Variants in FAM167A observed in about 807,000 individuals in gnomAD.
FAM167A encodes protein FAM167A.
FAM167A carries 23 observed loss-of-function variants against 14.9 expected under a neutral mutation model. That is an observed-to-expected ratio of 1.55 (90% CI 1.11 to 2.19). The LOEUF is 2.19. Among genes scored for constraint, FAM167A ranks in the 30% most tolerant of loss-of-function variants. The pLI is 0.00. For synonymous variants in FAM167A, 174 were observed against 117.7 expected (o/e 1.48, Z -3.10); for missense variants, 401 against 281.5 (o/e 1.42, Z -3.04).
intron 1 of FAM167A, among the ~76,000 whole-genome samples, chr8:11,461,288 G>A (rs1287607904): frequency 6.6e-6 from 1 of 152,250 alleles, no homozygotes; most frequent in Non-Finnish European, 1.5e-5. Flanking sequence ...GGAGGAGATG[G>A]GGAGGGGGAA....
At position 11,424,449 on chromosome 8, in the gene FAM167A, AAGG is replaced by A. The variant is rs759963618; in HGVS notation, c.566_568del (p.Ser189del). The A allele has an allele frequency of 1.9e-5, 31 of 1,613,862 alleles. 1 individual carries two copies. In the South Asian group the frequency reaches 3.1e-4, roughly 16 times the overall value. ...AAGCTTGAGTGGTGTGGAGAGGCTGAAGGAGGAGGCAAGAGGGGAGTCACAGAA... is the reference window on the plus strand; with the variant it reads ...AAGCTTGAGTGGTGTGGAGAGGCTGAAGGAGGCAAGAGGGGAGTCACAGAA... On this transcript the variant is annotated inframe_deletion, in exon 3 of 3. Coordinates refer to ENST00000284486, the MANE Select transcript of FAM167A (RefSeq NM_053279.3).
At chr8:11,432,221 G>A (rs1805656433) in intron 2 of FAM167A, among the ~76,000 whole-genome samples, 1 of 152,056 alleles carries the variant, frequency 6.6e-6, no homozygotes, top group Non-Finnish European at 1.5e-5. Context: ...GTCTAAAACG[G>A]CCCAAAGATT....
chr8:11,424,460 A>T lies in FAM167A; in HGVS notation c.558T>A (p.Leu186=). The T allele has an allele frequency of 6.2e-7, 1 of 1,613,998 alleles. No individual in the cohort carries two copies. Among genetic ancestry groups the T allele is most frequent in the Non-Finnish European group, 8.5e-7 (1 of 1,179,984 alleles). Residue 186 remains leucine, a synonymous_variant, in exon 3 of 3, where the codon CTT becomes CTA. Transcript: ENST00000284486. ...GTGTGGAGAGGCTGAAGGAGGAGGC[A>T]AGAGGGGAGTCACAGAAGAGGTCGG... The part of the protein sequence containing the change: ...ELADLFCDSP[L]ASSFSLSTPL...
upstream of FAM167A, among the ~76,000 whole-genome samples, chr8:11,470,508 G>A (rs768513627): frequency 6.6e-6 from 1 of 152,214 alleles, no homozygotes; most frequent in Non-Finnish European, 1.5e-5. Context: ...CAGACCTCGT[G>A]AGGACTGGCC....
At chr8:11,465,278 G>C (rs934314082) in intron 1 of FAM167A, among the ~76,000 whole-genome samples, 1 of 152,126 alleles carries the variant, frequency 6.6e-6, no homozygotes, top group African/African-American at 2.4e-5. Flanking sequence ...GGCCTTAGAT[G>C]CCTCAGATTT....
At chr8:11,453,755 G>A (rs1485968944) in intron 1 of FAM167A, among the ~76,000 whole-genome samples, 1 of 151,954 alleles carries the variant, frequency 6.6e-6, no homozygotes, top group Non-Finnish European at 1.5e-5. Context: ...GTTCTGTGCT[G>A]TCCTATGACG....
chr8:11,443,671 T>TG (rs1159017644), intron 2 of FAM167A: 1 of 212,568 alleles, frequency 4.7e-6, no homozygotes, highest in Non-Finnish European at 9.5e-6. Flanking sequence ...GACAGCAGGG[T>TG]GGGGAGGTTC....
rs1244039333 is a variant in FAM167A at position 11,444,108 on chromosome 8, C to T, written c.304G>A (p.Ala102Thr). The T allele has an allele frequency of 1.2e-6, 2 of 1,613,470 alleles. No homozygotes were observed. The highest frequency in any genetic ancestry group is 1.7e-5 in the Admixed American group (1 of 60,020). Residue 102 changes from alanine (A) to threonine (T), a missense_variant, in exon 2 of 3, where the codon GCC becomes ACC. Transcript: ENST00000284486. ...AGCTTGCCAGTGGACAGGGGTCTGG[C>T]ACCTTGGCTGGCACTCCTGGCAGAA... ...PPSARSASQG[A>T]RPLSTGKLEG... is the part of the protein sequence containing the mutation.
At chr8:11,474,410 C>T (rs115460546) in intron 1 of FAM167A, among the ~76,000 whole-genome samples, 25 of 152,316 alleles carry the variant, frequency 1.6e-4, no homozygotes, top group African/African-American at 5.8e-4. Context: ...GACAAACATG[C>T]CCCGTGGTTC....
chr8:11,450,311 T>G (rs2117110417), intron 1 of FAM167A, among the ~76,000 whole-genome samples: 1 of 152,356 alleles, frequency 6.6e-6, no homozygotes, highest in Non-Finnish European at 1.5e-5. Flanking sequence ...CAACATTAGC[T>G]AATGCTTACA....
At chr8:11,439,147 C>A (rs531715733) in intron 2 of FAM167A, among the ~76,000 whole-genome samples, 3 of 152,226 alleles carry the variant, frequency 2.0e-5, no homozygotes, top group Non-Finnish European at 2.9e-5. Context: ...TTGGCCAAGT[C>A]GCTTTAAACT....
At chr8:11,454,175 C>T (rs184146465) in intron 1 of FAM167A, among the ~76,000 whole-genome samples, 65 of 152,322 alleles carry the variant, frequency 4.3e-4, no homozygotes, top group East Asian at 1.5e-3. Context: ...ACCCCGACAC[C>T]GTCTGGGTTG....
intron 2 of FAM167A, chr8:11,433,818 A>T (rs1417499831): frequency 6.6e-6 from 1 of 152,198 alleles, no homozygotes; most frequent in African/African-American, 2.4e-5. Flanking sequence ...GGCCCAGAAC[A>T]TGTTCCACTG....
Position 11,444,160 on chromosome 8 carries a change from G to A in FAM167A, c.252C>T (p.Pro84=), listed in dbSNP as rs1470421570. 1 of 1,613,062 alleles carries A rather than the reference G, an allele frequency of 6.2e-7. No homozygotes were observed. The highest frequency in any genetic ancestry group is 1.7e-4 in the Middle Eastern group (1 of 6,060). The change falls in exon 2 of 3, where the codon CCC becomes CCT. Residue 84 remains proline (P), a synonymous_variant. Coordinates refer to ENST00000284486, the MANE Select transcript of FAM167A (RefSeq NM_053279.3). ...GGGGGTGCTGCCCAGCCTCTCTCAGGGGGAGCAAGGGCTCCTGCCCCCCAC... is the reference window on the plus strand; with the variant it reads ...GGGGGTGCTGCCCAGCCTCTCTCAGAGGGAGCAAGGGCTCCTGCCCCCCAC... ...GERGGQEPLL[P]LREAGQHPPS...
At chr8:11,440,384 C>G (rs963990917) in intron 2 of FAM167A, among the ~76,000 whole-genome samples, 4 of 152,230 alleles carry the variant, frequency 2.6e-5, no homozygotes, top group African/African-American at 7.2e-5. Flanking sequence ...TGGGGGGCGT[C>G]AGGAGTGACA....
chr8:11,431,727 G>A (rs1805604697), intron 2 of FAM167A, among the ~76,000 whole-genome samples: 1 of 151,826 alleles, frequency 6.6e-6, no homozygotes, highest in Non-Finnish European at 1.5e-5. Context: ...GCTGGGGAAT[G>A]GGGGCCCAGC....
intron 1 of FAM167A, among the ~76,000 whole-genome samples, chr8:11,455,471 G>A (rs1286578818): frequency 6.7e-6 from 1 of 148,880 alleles, no homozygotes; most frequent in South Asian, 2.2e-4. Flanking sequence ...GTATGTGTGA[G>A]TGTGGGGAGT....
In FAM167A at chr8:11,423,128, G is replaced by A. The variant is rs942705480; in HGVS notation, c.*1245C>T. ...GGTTTCACTTTGCTCCTTTACTAAT[G>A]AGAGGACTCGACTAGATGACACCAA... On this transcript the variant is annotated 3_prime_UTR_variant, in exon 3 of 3. Transcript: ENST00000284486. 1 of 152,414 alleles carries A rather than the reference G, an allele frequency of 6.6e-6. No individual in the cohort carries two copies. The highest frequency in any genetic ancestry group is 2.1e-4 in the South Asian group (1 of 4,824). 9.4% of individuals were successfully genotyped at this position (152,414 alleles called of 1,614,324 possible). A position where few individuals can be genotyped will look rare whatever the true frequency, so the allele number is the denominator to read the frequency against.
chr8:11,428,578 C>T (rs1014462304), intron 2 of FAM167A, among the ~76,000 whole-genome samples: 1 of 152,206 alleles, frequency 6.6e-6, no homozygotes, highest in Admixed American at 6.5e-5. Flanking sequence ...CCTCAGTGGG[C>T]TTTGGTTCTG....
Sources: gnomAD v4.1 joint callset for allele counts (sites outside exome capture counted in the v4.1 genomes callset) on GRCh38, gnomAD v4.1.1 for gene constraint, MANE v1.5 for transcripts, NCBI Gene and HGNC (gene_info 2026-07-23, HGNC 2026-07-21) for gene names.